Variants in SF3B3 observed in about 807,000 individuals in gnomAD.
SF3B3 encodes splicing factor 3b subunit 3.
SF3B3 carries 33 observed loss-of-function variants against 139.2 expected under a neutral mutation model. That is an observed-to-expected ratio of 0.24 (90% CI 0.18 to 0.32). The LOEUF (loss-of-function observed/expected upper bound fraction) is 0.32. Among genes scored for constraint, SF3B3 ranks in the 10% least tolerant of loss-of-function variants. The probability of loss-of-function intolerance (pLI) is 1.00; values close to 1 mark genes in which losing one functional copy is unlikely to be tolerated. For missense variants in SF3B3, 818 were observed against 1,509.4 expected (o/e 0.54, Z 7.59); for synonymous variants, 596 against 563.6 (o/e 1.06, Z -0.81).
chr16:70,553,311 TTTGAAGTCA>T (rs2050346164), intron 11 of SF3B3, among the ~76,000 whole-genome samples: 1 of 152,160 alleles, frequency 6.6e-6, no homozygotes, highest in Admixed American at 6.5e-5. Flanking sequence ...CTGAACCTCA[TTTGAAGTCA>T]TCAGAACCAA....
Position 70,571,521 on chromosome 16 carries a change from T to A in SF3B3, c.3514-152T>A. Reference sequence around the variant, plus strand: ...TTGAGAGTGCAGTGAGCTAAGATTATCCCACTGCACTGCAACCCGGATGAT... The same window carrying A: ...TTGAGAGTGCAGTGAGCTAAGATTAACCCACTGCACTGCAACCCGGATGAT... On this transcript the variant is annotated intron_variant, in intron 25 of 25. Transcript: ENST00000302516. The A allele has an allele frequency of 7.5e-6, 6 of 794,834 alleles. 1 individual carries two copies. In the Admixed American group the frequency reaches 1.8e-4, roughly 23 times the overall value. The allele number at this position is 794,834 out of a possible 1,614,324, so 49.2% of individuals were successfully genotyped here.
Position 70,565,288 on chromosome 16 carries a change from G to C in SF3B3, c.2669+18G>C, listed in dbSNP as rs1390586587. ...GCTTTTAGGTAAGCAGCCCAGGACA[G>C]TCCAGGGTTTGGCAGGCTGGAACAG... On this transcript the variant is annotated intron_variant, in intron 19 of 25. Coordinates refer to ENST00000302516, the MANE Select transcript of SF3B3 (RefSeq NM_012426.5). The C allele has an allele frequency of 6.2e-7, 1 of 1,613,732 alleles. No individual in the cohort carries two copies. Among genetic ancestry groups the C allele is most frequent in the Non-Finnish European group, 8.5e-7 (1 of 1,179,722 alleles).
intron 11 of SF3B3, chr16:70,550,577 A>C (rs775877772): frequency 5.0e-5 from 39 of 775,492 alleles, no homozygotes; most frequent in Non-Finnish European, 6.1e-5. Context: ...GCAGTCTTCC[A>C]GGCAAATACT....
chr16:70,540,885 T>A (rs551433880), intron 8 of SF3B3, among the ~76,000 whole-genome samples: 27 of 152,374 alleles, frequency 1.8e-4, no homozygotes, highest in Admixed American at 1.7e-3. Context: ...CTTTCACTAT[T>A]GGGAACAATG....
chr16:70,564,309 C>T (rs1304165288), intron 18 of SF3B3, among the ~76,000 whole-genome samples: 1 of 152,192 alleles, frequency 6.6e-6, no homozygotes, highest in African/African-American at 2.4e-5. Context: ...GAGTTCAAGA[C>T]TGCAGTGAGC....
At chr16:70,563,122 C>A (rs1309973676) in intron 17 of SF3B3, among the ~76,000 whole-genome samples, 1 of 134,136 alleles carries the variant, frequency 7.5e-6, no homozygotes, top group African/African-American at 2.8e-5. Flanking sequence ...CGTGCGCCAC[C>A]ATACATGGCT....
intron 1 of SF3B3, 98 bp from the exon 2 acceptor site, chr16:70,526,484 GCTTGC>G: frequency 1.7e-6 from 1 of 589,832 alleles, no homozygotes; most frequent in Non-Finnish European, 3.0e-6. Flanking sequence ...TCTTAATAGG[GCTTGC>G]TCTGCTGGTT....
intron 10 of SF3B3, among the ~76,000 whole-genome samples, chr16:70,548,011 A>T (rs1174984360): frequency 2.0e-5 from 3 of 152,154 alleles, no homozygotes; most frequent in African/African-American, 7.2e-5. Flanking sequence ...ATTTGGCCTT[A>T]TGGGAGCTGG....
In SF3B3 at chr16:70,529,044, G is replaced by T; in HGVS notation, c.242G>T (p.Gly81Val). 2.5e-6 allele frequency: 4 copies of T among 1,614,196 alleles called. No individual in the cohort carries two copies. Among genetic ancestry groups the T allele is most frequent in the Non-Finnish European group, 3.4e-6 (4 of 1,180,044 alleles). The change falls in exon 3 of 26, where the codon GGC becomes GTC. Residue 81 changes from glycine to valine, a missense_variant. This residue lies in a region of SF3B3 where 144 missense variants were observed against 259.2 expected (regional missense o/e 0.56). Transcript: ENST00000302516. ...TGGTKDYIVV[G>V]SDSGRIVILE... ...GGCACCAAAGACTACATTGTAGTTG[G>T]CAGTGACTCTGGTCGAATTGTTATT...
chr16:70,567,760 AC>A (rs1439048796), intron 21 of SF3B3, among the ~76,000 whole-genome samples: 1 of 152,186 alleles, frequency 6.6e-6, no homozygotes, highest in Non-Finnish European at 1.5e-5. Flanking sequence ...ATCTCGGCTC[AC>A]TGCAACCTCC....
rs2050553950 is a variant in SF3B3 at position 70,574,040 on chromosome 16, A to C, written c.*2227A>C. The C allele has an allele frequency of 6.6e-6, 1 of 152,192 alleles. No homozygotes were observed. The highest frequency in any genetic ancestry group is 6.5e-5 in the Admixed American group (1 of 15,270). 9.4% of individuals were successfully genotyped at this position (152,192 alleles called of 1,614,324 possible). ...CGGCGCTGGAAAAGGCTCGTCTCAC[A>C]GGGAGAGTGCTGGTCCCCAGAATGT... On this transcript the variant is annotated 3_prime_UTR_variant, in exon 26 of 26. Coordinates refer to ENST00000302516, the MANE Select transcript of SF3B3 (RefSeq NM_012426.5).
Position 70,563,929 on chromosome 16 carries a change from T to C in SF3B3, c.2342T>C (p.Leu781Pro). 6.2e-7 allele frequency: 1 copy of C among 1,614,170 alleles called. No homozygotes were observed. The highest frequency in any genetic ancestry group is 8.5e-7 in the Non-Finnish European group (1 of 1,180,022). The stretch of plus-strand genomic sequence containing the variant: ...GTCTTCAATCAAGTAGCCTTCCCAC[T>C]GCAGTACACACCCAGGAAATTTGTC... The part of the protein sequence containing the change: ...GAVFNQVAFP[L>P]QYTPRKFVIH... The change falls in exon 18 of 26, where the codon CTG becomes CCG. Residue 781 changes from leucine to proline, a missense_variant. Physicochemically the swap from Leu to Pro is moderately conservative, Grantham distance 98 (BLOSUM62 -3). Transcript: ENST00000302516.
chr16:70,569,933 C>T, intron 23 of SF3B3, 73 bp from the exon 24 acceptor site: 1 of 1,540,502 alleles, frequency 6.5e-7, no homozygotes, highest in South Asian at 1.1e-5. Flanking sequence ...CCTTAGGGAG[C>T]ACTGCTTGCC....
chr16:70,544,308 C>T (rs181964583), intron 9 of SF3B3, 130 bp from the exon 10 acceptor site: 455 of 630,190 alleles, frequency 7.2e-4, no homozygotes, highest in African/African-American at 6.2e-3. Context: ...GATCATTCAC[C>T]TCTTTTCACA....
chr16:70,545,811 A>G (rs1331304916), intron 10 of SF3B3, among the ~76,000 whole-genome samples: 1 of 152,224 alleles, frequency 6.6e-6, no homozygotes, highest in Non-Finnish European at 1.5e-5. Context: ...ATAACAAACA[A>G]AGCACTTAGC....
chr16:70,563,264 G>C (rs886430999), intron 17 of SF3B3, among the ~76,000 whole-genome samples: 1 of 152,130 alleles, frequency 6.6e-6, no homozygotes, highest in Non-Finnish European at 1.5e-5. Context: ...GCCACCACAC[G>C]CAGCCCCTAT....
chr16:70,548,797 C>G (rs2050293302), intron 11 of SF3B3, among the ~76,000 whole-genome samples: 1 of 152,190 alleles, frequency 6.6e-6, no homozygotes, highest in Admixed American at 6.5e-5. Context: ...TCTTCTTCAA[C>G]TATATTCTTT....
chr16:70,531,064 A>C (rs1317435304), intron 4 of SF3B3, 147 bp downstream of exon 4: 3 of 683,520 alleles, frequency 4.4e-6, no homozygotes, highest in Non-Finnish European at 7.6e-6. Context: ...CAGGAGATCG[A>C]GACCATTCTG....
chr16:70,541,560 C>A, intron 8 of SF3B3, 109 bp from the exon 9 acceptor site: 1 of 865,862 alleles, frequency 1.2e-6, no homozygotes, highest in Non-Finnish European at 1.8e-6. Flanking sequence ...AAAATAATAA[C>A]AATAGTATCT....
Sources: allele counts gnomAD v4.1 joint callset (sites outside exome capture counted in the v4.1 genomes callset), GRCh38; gene constraint gnomAD v4.1.1; regional missense constraint gnomAD v4.1.1; transcripts MANE v1.5; gene names NCBI Gene and HGNC (gene_info 2026-07-23, HGNC 2026-07-21).